Variants in TLE3 observed in about 807,000 individuals in gnomAD.
TLE3 encodes the protein transducin-like enhancer protein 3.
Under a neutral mutation model 93.0 loss-of-function variants are expected in TLE3, and 14 were observed. That is an observed-to-expected ratio of 0.15 (90% CI 0.10 to 0.24). The LOEUF is 0.24. Among genes scored for constraint, TLE3 ranks in the 10% least tolerant of loss-of-function variants. TLE3 has a pLI of 1.00. For missense variants in TLE3, 693 were observed against 1,046.6 expected, an observed-to-expected ratio of 0.66 and a Z score of 4.66; for synonymous variants, 451 against 425.0, an observed-to-expected ratio of 1.06 and a Z score of -0.75.
intron 17 of TLE3, chr15:70,052,943 T>C (rs978796392): frequency 9.5e-6 from 4 of 419,906 alleles, no homozygotes; most frequent in African/African-American, 7.9e-5. Flanking sequence ...GTGCTACTAT[T>C]ATTTCCATCT....
chr15:70,074,493 C>T (rs749388822), intron 6 of TLE3, 40 bp downstream of exon 6: 10 of 1,593,124 alleles, frequency 6.3e-6, no homozygotes, highest in Non-Finnish European at 8.6e-6. Flanking sequence ...AATAAAAGGG[C>T]TATACACACG....
chr15:70,095,790 G>C (rs1378283086), intron 2 of TLE3, 149 bp from the exon 3 acceptor site: 1 of 958,118 alleles, frequency 1.0e-6, no homozygotes, highest in Non-Finnish European at 1.5e-6. Flanking sequence ...GACGCGGGGG[G>C]ATTTGGGTCC....
rs1254486668 is a variant in TLE3 at position 70,094,405 on chromosome 15, A to G, written c.234+127T>C. 6 of 729,864 alleles carry G rather than the reference A, an allele frequency of 8.2e-6. No individual in the cohort carries two copies. In the Admixed American group the frequency reaches 1.5e-4, roughly 18 times the overall value. The allele number at this position is 729,864 out of a possible 1,614,324, so 45.2% of individuals were successfully genotyped here. ...TGCATTTCAAGGACTGGATCCATTC[A>G]CTCTTCAAGGAGAAGGGGGAGGAAT... is the stretch of plus-strand genomic sequence containing the variant. On this transcript the variant is annotated intron_variant, in intron 4 of 19. Transcript: ENST00000451782.
rs747949866 is a variant in TLE3, at chr15:70,059,504, T to C, written c.715-44A>G. 1.1e-5 allele frequency: 18 copies of C among 1,576,564 alleles called. No individual in the cohort carries two copies. In the African/African-American group the frequency reaches 1.6e-4, roughly 14 times the overall value. ...CCAACTGGTCAGTAAGAGGCCACACTTTCCCCACCCCTGACTGAGCCCAAA... is the reference window on the plus strand; with the variant it reads ...CCAACTGGTCAGTAAGAGGCCACACCTTCCCCACCCCTGACTGAGCCCAAA... On this transcript the variant is annotated intron_variant, in intron 9 of 19. Coordinates refer to ENST00000451782, the MANE Select transcript of TLE3 (RefSeq NM_001105192.3).
At chr15:70,086,985 T>G (rs775716095) in intron 4 of TLE3, among the ~76,000 whole-genome samples, 2 of 152,230 alleles carry the variant, frequency 1.3e-5, no homozygotes, top group Non-Finnish European at 2.9e-5. Context: ...TACAACTCTT[T>G]CTACAAACAC....
At chr15:70,094,100 A>G (rs932669791) in intron 4 of TLE3, among the ~76,000 whole-genome samples, 4 of 152,086 alleles carry the variant, frequency 2.6e-5, no homozygotes, top group Admixed American at 6.6e-5. Context: ...TTGAAGTTTA[A>G]TCTTATCAAG....
At chr15:70,059,676 T>C (rs1029329488) in intron 9 of TLE3, among the ~76,000 whole-genome samples, 1 of 152,154 alleles carries the variant, frequency 6.6e-6, no homozygotes, top group African/African-American at 2.4e-5. Context: ...GGCCCCGGGT[T>C]ACTCCACTCC....
rs569046480 is a variant in TLE3 at position 70,092,986 on chromosome 15, A to T, written c.234+1546T>A. Among the ~76,000 whole-genome samples, 20 of 152,260 alleles carry T rather than the reference A, an allele frequency of 1.3e-4. No individual in the cohort carries two copies. In the South Asian group the frequency reaches 4.1e-3, roughly 32 times the overall value. On this transcript the variant is annotated intron_variant, in intron 4 of 19. Transcript: ENST00000451782. The stretch of plus-strand genomic sequence containing the variant: ...AAATTAAGACAGGGCAGACAAAGGG[A>T]GGAAGTGGCACCCTGCATACACCCC...
chr15:70,082,833 C>T (rs1347089080), intron 4 of TLE3, among the ~76,000 whole-genome samples: 1 of 152,190 alleles, frequency 6.6e-6, no homozygotes, highest in Non-Finnish European at 1.5e-5. Flanking sequence ...AGGAAACACA[C>T]TCACCCTTCC....
chr15:70,056,378 T>A lies in TLE3; in HGVS notation c.1252-4A>T, dbSNP rs768498095. ...GGGGGTGAGGGTCAAAACCAACCTG[T>A]AAAGCAAGGCAAGACAGCCCTCCAT... On this transcript the variant is annotated splice_polypyrimidine_tract_variant and splice_region_variant and intron_variant, in intron 13 of 19. Coordinates refer to ENST00000451782, the MANE Select transcript of TLE3 (RefSeq NM_001105192.3). 1 of 1,612,170 alleles carries A rather than the reference T, an allele frequency of 6.2e-7. No individual in the cohort carries two copies. Among genetic ancestry groups the A allele is most frequent in the Non-Finnish European group, 8.5e-7 (1 of 1,179,212 alleles).
At chr15:70,060,802 C>A (rs2056421924) in intron 8 of TLE3, 153 bp from the exon 9 acceptor site, 1 of 1,372,002 alleles carries the variant, frequency 7.3e-7, no homozygotes, top group Non-Finnish European at 1.0e-6. Context: ...TCCATCAGAG[C>A]CTTGCCAGGG....
At chr15:70,056,093 T>C (rs1054798208) in intron 14 of TLE3, 303 of 636,726 alleles carry the variant, frequency 4.8e-4, no homozygotes, top group Non-Finnish European at 5.5e-4. Flanking sequence ...GGAGCTTCTG[T>C]GGGTGCTCAG....
rs902923137 is a variant in TLE3, at chr15:70,097,693, G to A, written c.-895C>T. ...GCGCTGGAGGGGAGACGCAGCCCGA[G>A]ACCGGGGAGCTCTACGGCTTCCTTC... On this transcript the variant is annotated 5_prime_UTR_variant, in exon 1 of 20. Coordinates refer to ENST00000451782, the MANE Select transcript of TLE3 (RefSeq NM_001105192.3). 1.0e-5 allele frequency: 4 copies of A among 397,416 alleles called. No individual in the cohort carries two copies. The highest frequency in any genetic ancestry group is 6.2e-4 in the Middle Eastern group (1 of 1,608). The allele number at this position is 397,416 out of a possible 1,614,324, so 24.6% of individuals were successfully genotyped here.
rs543750252 is a variant in TLE3, at chr15:70,073,385, A to G, written c.372+1148T>C. On this transcript the variant is annotated intron_variant, in intron 6 of 19. Transcript: ENST00000451782. The stretch of plus-strand genomic sequence containing the variant: ...AAAGTCAAGAGTCATCATGTATCCT[A>G]CCAAGCAGAGGAAAATTGTGGGGCC... 7.2e-5 allele frequency among the ~76,000 whole-genome samples: 11 copies of G among 152,284 alleles called. No homozygotes were observed. The East Asian group carries it at 2.1e-3, about 29-fold the overall frequency.
chr15:70,071,256 GA>G (rs1286955745), intron 6 of TLE3, among the ~76,000 whole-genome samples: 2 of 152,160 alleles, frequency 1.3e-5, no homozygotes, highest in Non-Finnish European at 2.9e-5. Flanking sequence ...GCATGTAACA[GA>G]AACAGGGCTA....
intron 16 of TLE3, chr15:70,053,583 A>T (rs1369253685): frequency 8.4e-6 from 4 of 477,192 alleles, no homozygotes; most frequent in Non-Finnish European, 1.4e-5. Flanking sequence ...GGGTTTGCCC[A>T]GGGACAAGTC....
At chr15:70,069,814 C>T (rs1431664106) in intron 6 of TLE3, among the ~76,000 whole-genome samples, 1 of 152,254 alleles carries the variant, frequency 6.6e-6, no homozygotes, top group African/African-American at 2.4e-5. Flanking sequence ...GGGCAAAGCC[C>T]CACCTGACCC....
intron 4 of TLE3, among the ~76,000 whole-genome samples, chr15:70,087,898 G>C (rs1419930281): frequency 6.6e-6 from 1 of 152,240 alleles, no homozygotes; most frequent in Non-Finnish European, 1.5e-5. Flanking sequence ...GGGTGGACTA[G>C]CCGGGCCCCC....
At chr15:70,093,070 C>A (rs1431389216) in intron 4 of TLE3, among the ~76,000 whole-genome samples, 1 of 152,202 alleles carries the variant, frequency 6.6e-6, no homozygotes, top group African/African-American at 2.4e-5. Flanking sequence ...CGGGACCTGG[C>A]CCCTTCCAGT....
Sources: allele counts gnomAD v4.1 joint callset (sites outside exome capture counted in the v4.1 genomes callset), GRCh38; gene constraint gnomAD v4.1.1; transcripts MANE v1.5; gene names NCBI Gene and HGNC (gene_info 2026-07-23, HGNC 2026-07-21).